Variants in CAMK1D observed in about 807,000 individuals in gnomAD.
CAMK1D encodes calcium/calmodulin-dependent protein kinase type 1D.
A neutral mutation model predicts 47.7 loss-of-function variants in CAMK1D; 9 were observed. The observed-to-expected ratio is 0.19, with a 90% CI of 0.11 to 0.33. The LOEUF (loss-of-function observed/expected upper bound fraction) is 0.33. Among genes scored for constraint, CAMK1D ranks in the 10% least tolerant of loss-of-function variants. CAMK1D has a pLI of 1.00. For synonymous variants in CAMK1D, 184 were observed against 184.9 expected, an observed-to-expected ratio of 0.99 and a Z score of 0.04; for missense variants, 291 against 488.7, an observed-to-expected ratio of 0.60 and a Z score of 3.81.
At chr10:12,444,423 A>G (rs73587093) in intron 1 of CAMK1D, among the ~76,000 whole-genome samples, 1,934 of 152,202 alleles carry the variant, frequency 0.013, 23 homozygotes, top group East Asian at 0.056. Flanking sequence ...AACTCTGTAA[A>G]ATATTTAAGG....
At chr10:12,430,510 C>G (rs1036870175) in intron 1 of CAMK1D, among the ~76,000 whole-genome samples, 5 of 152,170 alleles carry the variant, frequency 3.3e-5, no homozygotes, top group African/African-American at 1.2e-4. Context: ...ATTAATTACA[C>G]GACTTTTTCC....
intron 1 of CAMK1D, among the ~76,000 whole-genome samples, chr10:12,484,845 TGGGCTGGGCGTGTCATGGGA>T (rs1834166872): frequency 8.1e-6 from 1 of 122,758 alleles, no homozygotes; most frequent in Admixed American, 8.2e-5. Flanking sequence ...GGGGTGGGGC[TGGGCTGGGCGTGTCATGGGA>T]GGGCAGGTGT....
At chr10:12,433,929 T>C (rs1485778304) in intron 1 of CAMK1D, among the ~76,000 whole-genome samples, 1 of 152,214 alleles carries the variant, frequency 6.6e-6, no homozygotes, top group African/African-American at 2.4e-5. Context: ...TTTAGTTGCA[T>C]CTACAAGTCC....
chr10:12,391,396 A>G (rs1838725204), intron 1 of CAMK1D, among the ~76,000 whole-genome samples: 1 of 152,188 alleles, frequency 6.6e-6, no homozygotes. Context: ...TTAGAAGCTT[A>G]TCTTCTATTC....
rs1487648601 is a variant in CAMK1D, at chr10:12,751,118, TAAGATAAGAA to T, written c.300-9829_300-9820del. Among the ~76,000 whole-genome samples, 14 of 98,176 alleles carry T rather than the reference TAAGATAAGAA, an allele frequency of 1.4e-4. No individual in the cohort carries two copies. The East Asian group carries it at 1.6e-3, about 11-fold the overall frequency. 64.4% of individuals were successfully genotyped at this position (98,176 alleles called of 152,430 possible). A position where few individuals can be genotyped will look rare whatever the true frequency, so the allele number is the denominator to read the frequency against. ...TAAGATAAGATAAGATAAGATAAGA[TAAGATAAGAA>T]GGCTTCAGAAGGCTTCTTTCGTGAG... On this transcript the variant is annotated intron_variant, in intron 3 of 10. Transcript: ENST00000619168.
intron 3 of CAMK1D, among the ~76,000 whole-genome samples, chr10:12,695,188 T>C (rs1833234371): frequency 6.6e-6 from 1 of 152,144 alleles, no homozygotes; most frequent in Admixed American, 6.5e-5. Context: ...AAGCAGGACA[T>C]GATACATTAA....
chr10:12,682,135 G>T (rs1832467798), intron 3 of CAMK1D, among the ~76,000 whole-genome samples: 1 of 152,204 alleles, frequency 6.6e-6, no homozygotes, highest in African/African-American at 2.4e-5. Flanking sequence ...CAGGAGAATG[G>T]CGTGAACCCG....
At position 12,445,018 on chromosome 10, in the gene CAMK1D, G is replaced by T. The variant is rs1220496297; in HGVS notation, c.92+95108G>T. On this transcript the variant is annotated intron_variant, in intron 1 of 10. Coordinates refer to ENST00000619168, the MANE Select transcript of CAMK1D (RefSeq NM_153498.4). ...AAAATATGTCAAAGAAATGTGTGTT[G>T]GGGTAAACTACTTTGATTTCTTTCA... 5.9e-5 allele frequency among the ~76,000 whole-genome samples: 9 copies of T among 152,176 alleles called. 1 individual carries two copies. The highest frequency in any genetic ancestry group is 5.9e-4 in the Admixed American group (9 of 15,272).
At chr10:12,684,247 T>G (rs1469959788) in intron 3 of CAMK1D, among the ~76,000 whole-genome samples, 1 of 152,162 alleles carries the variant, frequency 6.6e-6, no homozygotes, top group Non-Finnish European at 1.5e-5. Context: ...AGGAGAACTT[T>G]GAGTTTTGTG....
intron 1 of CAMK1D, among the ~76,000 whole-genome samples, chr10:12,362,245 C>G (rs775465822): frequency 6.6e-6 from 1 of 152,092 alleles, no homozygotes; most frequent in Non-Finnish European, 1.5e-5. Context: ...AACACTAACT[C>G]CCTACTCCCT....
chr10:12,698,889 T>G (rs1435916493), intron 3 of CAMK1D, among the ~76,000 whole-genome samples: 1 of 152,026 alleles, frequency 6.6e-6, no homozygotes, highest in Non-Finnish European at 1.5e-5. Context: ...GCCAGGATGG[T>G]CTCGAGCTCT....
intron 6 of CAMK1D, among the ~76,000 whole-genome samples, chr10:12,806,981 T>C (rs893250590): frequency 8.5e-5 from 13 of 152,200 alleles, no homozygotes; most frequent in South Asian, 8.3e-4. Flanking sequence ...ATGGGCCAGA[T>C]CAGGTCTGTA....
chr10:12,793,815 G>T (rs189713366), intron 6 of CAMK1D, among the ~76,000 whole-genome samples: 4 of 152,236 alleles, frequency 2.6e-5, no homozygotes, highest in African/African-American at 9.6e-5. Flanking sequence ...GGCAGGAAAC[G>T]TGTTGGCAGT....
At chr10:12,497,524 G>C (rs1172834020) in intron 1 of CAMK1D, among the ~76,000 whole-genome samples, 1 of 151,548 alleles carries the variant, frequency 6.6e-6, no homozygotes, top group Non-Finnish European at 1.5e-5. Context: ...TGGTTGTGAT[G>C]GGCTTAAATT....
chr10:12,593,695 TAATA>T (rs1838062082), intron 2 of CAMK1D, among the ~76,000 whole-genome samples: 1 of 152,182 alleles, frequency 6.6e-6, no homozygotes, highest in Non-Finnish European at 1.5e-5. Flanking sequence ...TTTTTTTAAT[TAATA>T]AATTGTGAAT....
intron 1 of CAMK1D, among the ~76,000 whole-genome samples, chr10:12,369,975 G>A (rs973097781): frequency 2.0e-5 from 3 of 149,520 alleles, no homozygotes; most frequent in African/African-American, 4.9e-5. Flanking sequence ...AAAGCATTAC[G>A]TTATTAATAT....
At chr10:12,375,965 C>A (rs1322877765) in intron 1 of CAMK1D, among the ~76,000 whole-genome samples, 1 of 151,812 alleles carries the variant, frequency 6.6e-6, no homozygotes, top group Non-Finnish European at 1.5e-5. Context: ...GAGTTCGAGA[C>A]CAGCCTGGCC....
At chr10:12,548,965 C>T (rs1220233107) in intron 1 of CAMK1D, among the ~76,000 whole-genome samples, 1 of 152,208 alleles carries the variant, frequency 6.6e-6, no homozygotes, top group Non-Finnish European at 1.5e-5. Flanking sequence ...AAACGATTCT[C>T]CCACCTCAGC....
chr10:12,697,363 C>G (rs1246747797), intron 3 of CAMK1D, among the ~76,000 whole-genome samples: 1 of 152,176 alleles, frequency 6.6e-6, no homozygotes, highest in Non-Finnish European at 1.5e-5. Flanking sequence ...CTAGATTCAA[C>G]TGGAGCAGCA....
Sources: allele counts gnomAD v4.1 joint callset (sites outside exome capture counted in the v4.1 genomes callset), GRCh38; gene constraint gnomAD v4.1.1; transcripts MANE v1.5; gene names NCBI Gene and HGNC (gene_info 2026-07-23, HGNC 2026-07-21).